The following PCDHGA7 variants were observed in gnomAD, a reference collection of about 807,000 sequenced individuals.
The protein encoded by PCDHGA7 is protocadherin gamma-A7.
PCDHGA7 carries 44 observed loss-of-function variants against 58.3 expected under a neutral mutation model. That is an observed-to-expected ratio of 0.75 (90% CI 0.59 to 0.97). PCDHGA7 has a LOEUF of 0.97. PCDHGA7 is among the 50% of genes least tolerant of loss of function. PCDHGA7 has a pLI of 0.00. For synonymous variants in PCDHGA7, 516 were observed against 504.2 expected (o/e 1.02, Z -0.31); for missense variants, 1,266 against 1,188.7 (o/e 1.06, Z -0.96).
intron 1 of PCDHGA7, among the ~76,000 whole-genome samples, chr5:141,425,103 A>G (rs894147422): frequency 1.3e-5 from 2 of 152,202 alleles, no homozygotes; most frequent in Non-Finnish European, 2.9e-5. Flanking sequence ...CTTCCAACAG[A>G]TGCCTACATT....
chr5:141,510,847 A>C (rs1279701390), intron 3 of PCDHGA7, 100 bp from the exon 4 acceptor site: 1 of 1,595,232 alleles, frequency 6.3e-7, no homozygotes, highest in Non-Finnish European at 8.6e-7. Context: ...GTCAAGGCCC[A>C]GGGTGCTGTA....
intron 1 of PCDHGA7, among the ~76,000 whole-genome samples, chr5:141,447,896 G>C (rs2098554754): frequency 6.6e-6 from 1 of 152,022 alleles, no homozygotes; most frequent in African/African-American, 2.4e-5. Flanking sequence ...GACCAGCCTG[G>C]CCAACATGGT....
At chr5:141,407,961 A>C in intron 1 of PCDHGA7, 1 of 672,320 alleles carries the variant, frequency 1.5e-6, no homozygotes, top group Non-Finnish European at 2.4e-6. Context: ...AGTGCAGAGC[A>C]AGCGCTGACG....
At chr5:141,408,615 T>A in intron 1 of PCDHGA7, 1 of 1,613,940 alleles carries the variant, frequency 6.2e-7, no homozygotes, top group Non-Finnish European at 8.5e-7. Flanking sequence ...AAAAAGGAAA[T>A]ACATTTAGAA....
intron 1 of PCDHGA7, chr5:141,417,501 A>T: frequency 4.4e-6 from 1 of 227,168 alleles, no homozygotes. Flanking sequence ...GAGGAAAAAG[A>T]TTAAAATATT....
chr5:141,388,710 G>A (rs756980821), intron 1 of PCDHGA7: 3 of 1,613,966 alleles, frequency 1.9e-6, no homozygotes, highest in Non-Finnish European at 8.5e-7. Flanking sequence ...TGTCAATGCC[G>A]AGATTACTTT....
intron 1 of PCDHGA7, among the ~76,000 whole-genome samples, chr5:141,445,132 G>T (rs921068835): frequency 2.6e-5 from 4 of 152,026 alleles, no homozygotes; most frequent in Non-Finnish European, 5.9e-5. Flanking sequence ...TTTTAAAATT[G>T]TATCTTCTAA....
intron 1 of PCDHGA7, among the ~76,000 whole-genome samples, chr5:141,483,832 G>A (rs994540286): frequency 2.0e-5 from 3 of 152,134 alleles, no homozygotes; most frequent in African/African-American, 7.2e-5. Context: ...ACCTAGGTAA[G>A]GACTTGGTTG....
chr5:141,449,497 G>A (rs903338878), intron 1 of PCDHGA7, among the ~76,000 whole-genome samples: 4 of 149,856 alleles, frequency 2.7e-5, no homozygotes, highest in African/African-American at 9.9e-5. Flanking sequence ...GGTGAGGCAT[G>A]AGAAATGCTT....
At chr5:141,472,980 C>CAAAAAAA (rs60579131) in intron 1 of PCDHGA7, among the ~76,000 whole-genome samples, 1 of 86,102 alleles carries the variant, frequency 1.2e-5, no homozygotes, top group South Asian at 4.3e-4. Flanking sequence ...GAGTGAAACT[C>CAAAAAAA]AAAAAAAAAA....
chr5:141,420,042 A>T, intron 1 of PCDHGA7: 2 of 1,614,048 alleles, frequency 1.2e-6, no homozygotes, highest in Non-Finnish European at 8.5e-7. Context: ...GACTGCTTTG[A>T]GTCAGTTCTC....
intron 1 of PCDHGA7, among the ~76,000 whole-genome samples, chr5:141,425,293 T>A (rs1332220576): frequency 1.3e-5 from 2 of 152,172 alleles, no homozygotes; most frequent in African/African-American, 4.8e-5. Context: ...TTATAAAACC[T>A]CATCTAAACT....
Position 141,487,673 on chromosome 5 carries a change from C to T in PCDHGA7, c.2425-7134C>T. On this transcript the variant is annotated intron_variant, in intron 1 of 3. Transcript: ENST00000518325. The surrounding 1 kb of genome is among the most constrained non-coding windows in gnomAD (Gnocchi z 5.0). Reference sequence around the variant, plus strand: ...GGGTTATTCTGATCCAGGCATATGGCTAGGCCATGTCCTAGAGAGTACTGG... The same window carrying T: ...GGGTTATTCTGATCCAGGCATATGGTTAGGCCATGTCCTAGAGAGTACTGG... 6.2e-7 allele frequency: 1 copy of T among 1,611,456 alleles called. No homozygotes were observed. Among genetic ancestry groups the T allele is most frequent in the East Asian group, 2.2e-5 (1 of 44,852 alleles).
chr5:141,413,456 T>C (rs2095643709), intron 1 of PCDHGA7: 30 of 1,613,982 alleles, frequency 1.9e-5, no homozygotes, highest in South Asian at 2.2e-5. Flanking sequence ...GCGGGCAGGA[T>C]AGACCGGGAG....
At position 141,476,418 on chromosome 5, in the gene PCDHGA7, T is replaced by C. The variant is rs201255025; in HGVS notation, c.2425-18389T>C. On this transcript the variant is annotated intron_variant, in intron 1 of 3. Transcript: ENST00000518325. This position sits in a 1 kb window ranked among gnomAD's most constrained non-coding sequence, Gnocchi z 7.6. The stretch of plus-strand genomic sequence containing the variant: ...GATCGAGAGGAGCTGTGTGGGACAC[T>C]GCCCTCTTGCACTGTAACTCTGGAG... 6.2e-7 allele frequency: 1 copy of C among 1,614,122 alleles called. No individual in the cohort carries two copies. Among genetic ancestry groups the C allele is most frequent in the Non-Finnish European group, 8.5e-7 (1 of 1,180,002 alleles).
At position 141,384,839 on chromosome 5, in the gene PCDHGA7, AGGACCAC is replaced by A; in HGVS notation, c.1943_1949del (p.Asp648ValfsTer56). ...AAGCAGAGCCTCGTGGTGGCCGTCCAGGACCACGGTCAGCCTCCTCTGTCAGCCACCG... is the reference window on the plus strand; with the variant it reads ...AAGCAGAGCCTCGTGGTGGCCGTCCAGGTCAGCCTCCTCTGTCAGCCACCG... On this transcript the variant is annotated frameshift_variant, in exon 1 of 4. Coordinates refer to ENST00000518325, the MANE Select transcript of PCDHGA7 (RefSeq NM_018920.4). LOFTEE classifies it high-confidence loss of function. The A allele has an allele frequency of 6.2e-7, 1 of 1,613,462 alleles. No individual in the cohort carries two copies. The highest frequency in any genetic ancestry group is 2.2e-5 in the East Asian group (1 of 44,886).
chr5:141,396,708 T>C (rs1402538886), intron 1 of PCDHGA7: 1 of 152,190 alleles, frequency 6.6e-6, no homozygotes, highest in Admixed American at 6.5e-5. Flanking sequence ...AGCATTTGAA[T>C]AAAGCTAATA....
At chr5:141,422,229 G>C in intron 1 of PCDHGA7, 4 of 1,565,880 alleles carry the variant, frequency 2.6e-6, no homozygotes, top group Non-Finnish European at 3.4e-6. Flanking sequence ...CCACGACGAT[G>C]TTGATCACTG....
chr5:141,410,653 A>G (rs1272999564), intron 1 of PCDHGA7: 9 of 1,589,886 alleles, frequency 5.7e-6, no homozygotes, highest in Non-Finnish European at 7.7e-6. Context: ...TGATTTATCT[A>G]ATAGTCTACT....
Sources: gnomAD v4.1 joint callset for allele counts (sites outside exome capture counted in the v4.1 genomes callset) on GRCh38, gnomAD v4.1.1 for gene constraint, Gnocchi (gnomAD v3.1) non-coding constraint, MANE v1.5 for transcripts, NCBI Gene and HGNC (gene_info 2026-07-23, HGNC 2026-07-21) for gene names.